NYAP2: variants seen among roughly 807,000 people sequenced by gnomAD.
The protein encoded by NYAP2 is neuronal tyrosine-phosphorylated phosphoinositide-3-kinase adapter 2.
A neutral mutation model predicts 50.4 loss-of-function variants in NYAP2; 23 were observed. The observed-to-expected ratio is 0.46, with a 90% confidence interval of 0.33 to 0.65. NYAP2 has a LOEUF of 0.65. Among genes scored for constraint, NYAP2 ranks in the 30% least tolerant of loss-of-function variants. The probability of loss-of-function intolerance (pLI) is 0.02; values close to 1 mark genes in which losing one functional copy is unlikely to be tolerated. For synonymous variants in NYAP2, 394 were observed against 365.2 expected, an observed-to-expected ratio of 1.08 and a Z score of -0.90; for missense variants, 885 against 861.0, an observed-to-expected ratio of 1.03 and a Z score of -0.35.
At chr2:225,604,648 G>A (rs931240391) in intron 5 of NYAP2, among the ~76,000 whole-genome samples, 9 of 149,214 alleles carry the variant, frequency 6.0e-5, no homozygotes, top group African/African-American at 2.2e-4. Context: ...TCATTTTGGA[G>A]GAAAAAAATC....
At chr2:225,525,471 A>G (rs1294667530) in intron 4 of NYAP2, among the ~76,000 whole-genome samples, 2 of 152,304 alleles carry the variant, frequency 1.3e-5, no homozygotes, top group East Asian at 1.9e-4. Flanking sequence ...TGTCTTTTCT[A>G]TCAGATTAGA....
chr2:225,467,770 A>G (rs893877605), intron 3 of NYAP2, among the ~76,000 whole-genome samples: 5 of 152,218 alleles, frequency 3.3e-5, no homozygotes, highest in Admixed American at 2.0e-4. Flanking sequence ...AAAGACAGAA[A>G]ATAACACTAT....
intron 3 of NYAP2, among the ~76,000 whole-genome samples, chr2:225,418,628 G>A (rs1201565883): frequency 6.6e-6 from 1 of 152,212 alleles, no homozygotes. Context: ...AATCATGTTT[G>A]GTGAGAAAAG....
At chr2:225,452,248 G>A (rs1353784799) in intron 3 of NYAP2, among the ~76,000 whole-genome samples, 3 of 152,166 alleles carry the variant, frequency 2.0e-5, no homozygotes, top group African/African-American at 7.2e-5. Flanking sequence ...AAGAACAGTA[G>A]CACCTACCTT....
intron 5 of NYAP2, among the ~76,000 whole-genome samples, chr2:225,610,963 A>G (rs550058005): frequency 6.6e-6 from 1 of 152,314 alleles, no homozygotes; most frequent in African/African-American, 2.4e-5. Context: ...TACTCCATTG[A>G]CAGTTGTAGA....
At chr2:225,492,842 CCT>C (rs1175720360) in intron 3 of NYAP2, among the ~76,000 whole-genome samples, 7 of 152,112 alleles carry the variant, frequency 4.6e-5, no homozygotes. Flanking sequence ...GAGGGATCTG[CCT>C]CTGTGATCCA....
chr2:225,485,479 AGAGG>A (rs1159120086), intron 3 of NYAP2, among the ~76,000 whole-genome samples: 1 of 152,164 alleles, frequency 6.6e-6, no homozygotes, highest in African/African-American at 2.4e-5. Context: ...AGGTTACTTG[AGAGG>A]GAGGCAGACT....
the NYAP2 span, among the ~76,000 whole-genome samples, chr2:225,677,215 A>C: frequency 6.6e-6 from 1 of 151,740 alleles, no homozygotes; most frequent in African/African-American, 2.4e-5. Flanking sequence ...CTAAGCTAGA[A>C]TATTATTGGT....
At chr2:225,683,136 G>A in the NYAP2 span, among the ~76,000 whole-genome samples, 3 of 152,210 alleles carry the variant, frequency 2.0e-5, no homozygotes, top group Non-Finnish European at 2.9e-5. Flanking sequence ...TTGTGAACTG[G>A]GATGATATCA....
At chr2:225,620,389 ACGCACGCACACACG>A (rs1356784976) in intron 5 of NYAP2, among the ~76,000 whole-genome samples, 4 of 152,002 alleles carry the variant, frequency 2.6e-5, no homozygotes, top group African/African-American at 4.8e-5. Context: ...ACCCACACGC[ACGCACGCACACACG>A]CGCACGCACA....
chr2:225,407,078 A>G (rs1007268352), intron 2 of NYAP2, among the ~76,000 whole-genome samples: 2 of 152,038 alleles, frequency 1.3e-5, no homozygotes, highest in Non-Finnish European at 2.9e-5. Context: ...TAACTTGGGT[A>G]GAATTAATTG....
At chr2:225,434,686 A>G (rs1009434117) in intron 3 of NYAP2, among the ~76,000 whole-genome samples, 2 of 152,200 alleles carry the variant, frequency 1.3e-5, no homozygotes, top group Non-Finnish European at 2.9e-5. Context: ...GTCTTATTTC[A>G]TAATACAGAA....
intron 4 of NYAP2, among the ~76,000 whole-genome samples, chr2:225,548,516 G>A (rs987420437): frequency 1.3e-5 from 2 of 151,946 alleles, no homozygotes; most frequent in Non-Finnish European, 1.5e-5. Flanking sequence ...CTGGAGAGTT[G>A]GAGGTTTACT....
At chr2:225,417,918 A>G (rs1213150270) in intron 3 of NYAP2, among the ~76,000 whole-genome samples, 1 of 152,148 alleles carries the variant, frequency 6.6e-6, no homozygotes, top group Non-Finnish European at 1.5e-5. Context: ...CGGAGTTACA[A>G]TCTGGTAGGG....
At chr2:225,617,570 TAGG>T (rs1454007823) in intron 5 of NYAP2, among the ~76,000 whole-genome samples, 4 of 152,110 alleles carry the variant, frequency 2.6e-5, no homozygotes, top group African/African-American at 7.2e-5. Flanking sequence ...TGCAAAAAAA[TAGG>T]AGAATAGAAT....
At chr2:225,565,843 A>G (rs1691951151) in intron 4 of NYAP2, among the ~76,000 whole-genome samples, 1 of 152,194 alleles carries the variant, frequency 6.6e-6, no homozygotes, top group South Asian at 2.1e-4. Context: ...CTAAATTGGG[A>G]TTCAAATTCA....
At chr2:225,496,350 T>C (rs1193750502) in intron 3 of NYAP2, among the ~76,000 whole-genome samples, 1 of 152,128 alleles carries the variant, frequency 6.6e-6, no homozygotes, top group East Asian at 1.9e-4. Context: ...CAAGAAAGTG[T>C]GTGGCCAGGG....
intron 4 of NYAP2, among the ~76,000 whole-genome samples, chr2:225,525,927 G>A (rs1271252514): frequency 2.0e-5 from 3 of 152,172 alleles, no homozygotes; most frequent in Non-Finnish European, 4.4e-5. Flanking sequence ...AGATAGAGGG[G>A]CCATGTGGTA....
chr2:225,415,076 G>A (rs1695102023), intron 3 of NYAP2, among the ~76,000 whole-genome samples: 1 of 151,990 alleles, frequency 6.6e-6, no homozygotes. Context: ...CTGACACAAA[G>A]GACTACTTAG....
Sources: gnomAD v4.1 joint callset for allele counts (sites outside exome capture counted in the v4.1 genomes callset) on GRCh38, gnomAD v4.1.1 for gene constraint, MANE v1.5 for transcripts, NCBI Gene and HGNC (gene_info 2026-07-23, HGNC 2026-07-21) for gene names.